GALNT17: variants seen among roughly 807,000 people sequenced by gnomAD.
GALNT17 encodes UDP-GalNAc:polypeptide N-acetylgalactosaminyltransferase-like 3.
A neutral mutation model predicts 63.7 loss-of-function variants in GALNT17; 29 were observed. That is an observed-to-expected ratio of 0.46 (90% CI 0.34 to 0.62). GALNT17 has a LOEUF of 0.62. GALNT17 is among the 20% of genes least tolerant of loss of function. The pLI, the probability that GALNT17 is intolerant of heterozygous loss-of-function variation, is 0.01. For missense variants in GALNT17, 603 were observed against 799.6 expected, an observed-to-expected ratio of 0.75 and a Z score of 2.97; for synonymous variants, 305 against 318.3, an observed-to-expected ratio of 0.96 and a Z score of 0.45.
chr7:71,155,136 A>G (rs1788210664), intron 1 of GALNT17, among the ~76,000 whole-genome samples: 1 of 151,718 alleles, frequency 6.6e-6, no homozygotes, highest in Admixed American at 6.6e-5. Context: ...CTGTTGTGTA[A>G]TGGCTCCCTC....
intron 2 of GALNT17, among the ~76,000 whole-genome samples, chr7:71,358,408 A>G (rs1273071703): frequency 6.6e-6 from 1 of 152,198 alleles, no homozygotes; most frequent in Non-Finnish European, 1.5e-5. Flanking sequence ...AAATAAATAA[A>G]TAAATAAAGT....
At chr7:71,626,271 C>T (rs527936726) in intron 6 of GALNT17, among the ~76,000 whole-genome samples, 1 of 151,270 alleles carries the variant, frequency 6.6e-6, no homozygotes, top group Admixed American at 6.6e-5. Context: ...GACACAGACA[C>T]ACACAAAGGC....
chr7:71,321,865 CCTTT>C (rs1253193588), intron 1 of GALNT17, among the ~76,000 whole-genome samples: 1 of 125,902 alleles, frequency 7.9e-6, no homozygotes, highest in Non-Finnish European at 1.6e-5. Flanking sequence ...TTCCTTCCTT[CCTTT>C]CCTTCCTTCC....
chr7:71,510,957 G>T (rs1318928236), intron 5 of GALNT17, among the ~76,000 whole-genome samples: 1 of 152,042 alleles, frequency 6.6e-6, no homozygotes, highest in African/African-American at 2.4e-5. Flanking sequence ...AGGATCCCTT[G>T]AAGCCAGGAG....
intron 8 of GALNT17, among the ~76,000 whole-genome samples, chr7:71,675,092 G>A (rs113711073): frequency 0.037 from 5,584 of 152,196 alleles, 322 homozygotes; most frequent in African/African-American, 0.13. Flanking sequence ...GCTGAGGCAC[G>A]AGAATCACTT....
At chr7:71,424,593 A>G (rs551360890) in intron 5 of GALNT17, among the ~76,000 whole-genome samples, 1 of 152,306 alleles carries the variant, frequency 6.6e-6, no homozygotes, top group Admixed American at 6.5e-5. Flanking sequence ...TGTGACATGC[A>G]TCTCTGTTGT....
chr7:71,650,032 G>A (rs768917285), intron 6 of GALNT17, among the ~76,000 whole-genome samples: 1 of 152,218 alleles, frequency 6.6e-6, no homozygotes, highest in African/African-American at 2.4e-5. Flanking sequence ...TAGTGTGGCA[G>A]AGCCATGCTG....
At chr7:71,240,118 A>G (rs910552872) in intron 1 of GALNT17, among the ~76,000 whole-genome samples, 2 of 152,212 alleles carry the variant, frequency 1.3e-5, no homozygotes, top group African/African-American at 4.8e-5. Context: ...AAGCTTGCCT[A>G]ACTCTTTTGG....
At chr7:71,565,217 A>T (rs1457121408) in intron 5 of GALNT17, among the ~76,000 whole-genome samples, 2 of 151,980 alleles carry the variant, frequency 1.3e-5, no homozygotes, top group African/African-American at 4.8e-5. Context: ...CAGTGAGCTG[A>T]GATGGCACCG....
At chr7:71,225,219 T>C (rs1003478784) in intron 1 of GALNT17, among the ~76,000 whole-genome samples, 1 of 152,198 alleles carries the variant, frequency 6.6e-6, no homozygotes, top group Non-Finnish European at 1.5e-5. Context: ...TCTGCCCGCC[T>C]CAGCCTCCCA....
intron 6 of GALNT17, among the ~76,000 whole-genome samples, chr7:71,639,356 G>A (rs1002106094): frequency 6.6e-6 from 1 of 152,128 alleles, no homozygotes; most frequent in African/African-American, 2.4e-5. Flanking sequence ...TCTCTTGTTC[G>A]GTGTTCACAC....
chr7:71,582,807 G>A (rs974268686), intron 6 of GALNT17, among the ~76,000 whole-genome samples: 2 of 152,064 alleles, frequency 1.3e-5, no homozygotes, highest in Admixed American at 6.6e-5. Context: ...GGACTTCGGT[G>A]ACTCAGGGGA....
chr7:71,297,265 G>A (rs1427526882), intron 1 of GALNT17, among the ~76,000 whole-genome samples: 3 of 152,084 alleles, frequency 2.0e-5, no homozygotes, highest in Non-Finnish European at 4.4e-5. Context: ...GCCTGGGGCC[G>A]GGCACAGTGG....
chr7:71,384,872 C>G (rs913080867), intron 2 of GALNT17, among the ~76,000 whole-genome samples: 6 of 152,198 alleles, frequency 3.9e-5, no homozygotes, highest in African/African-American at 1.4e-4. Flanking sequence ...TCAGATCCAG[C>G]CTGGAGCTCA....
intron 5 of GALNT17, among the ~76,000 whole-genome samples, chr7:71,544,164 C>T (rs1313665307): frequency 7.1e-6 from 1 of 141,066 alleles, no homozygotes; most frequent in Non-Finnish European, 1.5e-5. Context: ...GAGTCTCGCT[C>T]TGTTGCCCAG....
At chr7:71,313,706 G>A (rs1791451880) in intron 1 of GALNT17, among the ~76,000 whole-genome samples, 1 of 152,188 alleles carries the variant, frequency 6.6e-6, no homozygotes, top group Non-Finnish European at 1.5e-5. Flanking sequence ...GGGACAGAAT[G>A]TGTATTGATT....
intron 1 of GALNT17, among the ~76,000 whole-genome samples, chr7:71,276,154 C>T (rs771318175): frequency 6.6e-5 from 10 of 152,056 alleles, no homozygotes; most frequent in Non-Finnish European, 7.4e-5. Flanking sequence ...GAACAGCAGC[C>T]GGCATGTGAT....
At chr7:71,257,568 C>T (rs868488821) in intron 1 of GALNT17, among the ~76,000 whole-genome samples, 14 of 152,116 alleles carry the variant, frequency 9.2e-5, no homozygotes, top group African/African-American at 2.4e-4. Flanking sequence ...GGAAGGTTTC[C>T]GCACTATCCT....
In GALNT17 at chr7:71,514,992, T is replaced by A. The variant is rs531309299; in HGVS notation, c.963-56293T>A. ...GAGATCTGATGGTTTTATAAGGGGT[T>A]TCCCTTTTCGCTTGGCTTTCATTCT... On this transcript the variant is annotated intron_variant, in intron 5 of 10. Transcript: ENST00000333538. 9.2e-5 allele frequency among the ~76,000 whole-genome samples: 14 copies of A among 152,312 alleles called. No homozygotes were observed. In the South Asian group the frequency reaches 2.5e-3, roughly 27 times the overall value.
Sources: gnomAD v4.1 joint callset for allele counts (sites outside exome capture counted in the v4.1 genomes callset) on GRCh38, gnomAD v4.1.1 for gene constraint, MANE v1.5 for transcripts, NCBI Gene and HGNC (gene_info 2026-07-23, HGNC 2026-07-21) for gene names.